TLX1: variants seen among roughly 807,000 people sequenced by gnomAD.
TLX1 encodes T cell leukemia homeobox 1.
TLX1 carries 6 observed loss-of-function variants against 26.5 expected under a neutral mutation model. That is an observed-to-expected ratio of 0.23 (90% CI 0.12 to 0.45). The LOEUF (loss-of-function observed/expected upper bound fraction) is 0.45, where lower values mean the gene tolerates loss of function less well. TLX1 is among the 20% of genes least tolerant of loss of function. The pLI, the probability that TLX1 is intolerant of heterozygous loss-of-function variation, is 0.99. For synonymous variants in TLX1, 217 were observed against 219.7 expected (o/e 0.99, Z 0.11); for missense variants, 418 against 482.6 (o/e 0.87, Z 1.25).
chr10:101,133,911 G>T (rs968208150), intron 1 of TLX1, among the ~76,000 whole-genome samples: 4 of 152,144 alleles, frequency 2.6e-5, no homozygotes, highest in African/African-American at 9.7e-5. Flanking sequence ...GCTCGCGGGA[G>T]CCCGGGGCCA....
chr10:101,135,667 C>T (rs1282104918), intron 2 of TLX1, among the ~76,000 whole-genome samples: 2 of 151,928 alleles, frequency 1.3e-5, no homozygotes, highest in East Asian at 1.9e-4. Flanking sequence ...GGGATAGGGA[C>T]CCCGCTCAAG....
chr10:101,132,147 C>T lies in TLX1; in HGVS notation c.568+38C>T, dbSNP rs775487164. ...CGCGCGCTCCCCGCCTGGCCGCGGC[C>T]CGGGCTCCGTGCTACCCCTGCCCCG... On this transcript the variant is annotated intron_variant, in intron 1 of 2. Transcript: ENST00000370196. The surrounding 1 kb of genome is among the most constrained non-coding windows in gnomAD (Gnocchi z 4.1). The T allele has an allele frequency of 5.3e-6, 7 of 1,325,328 alleles. No individual in the cohort carries two copies. In the East Asian group the frequency reaches 2.1e-4, roughly 39 times the overall value. The allele number at this position is 1,325,328 out of a possible 1,614,324, so 82.1% of individuals were successfully genotyped here. A position where few individuals can be genotyped will look rare whatever the true frequency, so the allele number is the denominator to read the frequency against.
At position 101,132,185 on chromosome 10, in the gene TLX1, C is replaced by A; in HGVS notation, c.568+76C>A. Reference sequence around the variant, plus strand: ...TACCCCTGCCCCGCCGGGTGGCTCCCCAAAGCCGGTTCTGCGCTCCAGGTC... The same window carrying A: ...TACCCCTGCCCCGCCGGGTGGCTCCACAAAGCCGGTTCTGCGCTCCAGGTC... On this transcript the variant is annotated intron_variant, in intron 1 of 2. Transcript: ENST00000370196. This position sits in a 1 kb window ranked among gnomAD's most constrained non-coding sequence, Gnocchi z 4.1. The A allele has an allele frequency of 8.1e-7, 1 of 1,241,290 alleles. No homozygotes were observed. Among genetic ancestry groups the A allele is most frequent in the East Asian group, 3.1e-5 (1 of 32,014 alleles). The allele number at this position is 1,241,290 out of a possible 1,614,324, so 76.9% of individuals were successfully genotyped here. A position where few individuals can be genotyped will look rare whatever the true frequency, so the allele number is the denominator to read the frequency against.
chr10:101,136,040 C>T (rs1940287756), intron 2 of TLX1, among the ~76,000 whole-genome samples: 1 of 152,230 alleles, frequency 6.6e-6, no homozygotes, highest in Admixed American at 6.5e-5. Flanking sequence ...CCCATTAGGT[C>T]TGTCCACCTT....
Position 101,132,134 on chromosome 10 carries a change from G to T in TLX1, c.568+25G>T, listed in dbSNP as rs377618201. 3.2e-5 allele frequency: 42 copies of T among 1,330,186 alleles called. No individual in the cohort carries two copies. The highest frequency in any genetic ancestry group is 2.9e-4 in the East Asian group (10 of 34,642). 82.4% of individuals were successfully genotyped at this position (1,330,186 alleles called of 1,614,324 possible). On this transcript the variant is annotated intron_variant, in intron 1 of 2. Transcript: ENST00000370196. The surrounding 1 kb of genome is among the most constrained non-coding windows in gnomAD (Gnocchi z 4.1). ...GGTGAGTCCGGCCCGCGCGCTCCCCGCCTGGCCGCGGCCCGGGCTCCGTGC... is the reference window on the plus strand; with the variant it reads ...GGTGAGTCCGGCCCGCGCGCTCCCCTCCTGGCCGCGGCCCGGGCTCCGTGC...
intron 2 of TLX1, among the ~76,000 whole-genome samples, chr10:101,135,761 A>G (rs1208933336): frequency 6.6e-6 from 1 of 152,228 alleles, no homozygotes; most frequent in Non-Finnish European, 1.5e-5. Context: ...TGAAACCACC[A>G]TTTTCTTTTC....
intron 2 of TLX1, among the ~76,000 whole-genome samples, chr10:101,136,323 G>C (rs1420851950): frequency 6.6e-6 from 1 of 152,202 alleles, no homozygotes; most frequent in Non-Finnish European, 1.5e-5. Context: ...GGCTTGGAAT[G>C]GCACCTGGTC....
chr10:101,136,625 A>G, intron 2 of TLX1, 66 bp from the exon 3 acceptor site: 2 of 1,611,630 alleles, frequency 1.2e-6, no homozygotes, highest in South Asian at 2.2e-5. Context: ...GGAACGCACC[A>G]GGAGTTGGGC....
At chr10:101,136,638 A>G in intron 2 of TLX1, 53 bp from the exon 3 acceptor site, 1 of 1,612,234 alleles carries the variant, frequency 6.2e-7, no homozygotes, top group Non-Finnish European at 8.5e-7. Context: ...AGTTGGGCAC[A>G]CGCGGGAGCT....
At chr10:101,134,103 T>G in intron 1 of TLX1, 72 bp from the exon 2 acceptor site, 2 of 1,436,514 alleles carry the variant, frequency 1.4e-6, no homozygotes, top group Admixed American at 2.3e-5. Flanking sequence ...GACGCTCTGC[T>G]GCTTGCCTCT....
Position 101,131,886 on chromosome 10 carries a change from C to T in TLX1, c.345C>T (p.Gly115=), listed in dbSNP as rs1460934875. The change falls in exon 1 of 3, where the codon GGC becomes GGT. Residue 115 remains glycine (G), a synonymous_variant. Coordinates refer to ENST00000370196, the MANE Select transcript of TLX1 (RefSeq NM_005521.4). ...MALAGGPGPG[G]GGGSSGGAGA... ...TGGCAGGCGGCCCCGGTCCTGGCGGCGGCGGCGGCAGCAGCGGCGGTGCCG... is the reference window on the plus strand; with the variant it reads ...TGGCAGGCGGCCCCGGTCCTGGCGGTGGCGGCGGCAGCAGCGGCGGTGCCG... The T allele has an allele frequency of 2.1e-6, 3 of 1,397,630 alleles. No individual in the cohort carries two copies. The highest frequency in any genetic ancestry group is 9.2e-7 in the Non-Finnish European group (1 of 1,083,452). 86.6% of individuals were successfully genotyped at this position (1,397,630 alleles called of 1,614,324 possible).
In TLX1 at chr10:101,137,033, C is replaced by T; in HGVS notation, c.*120C>T. On this transcript the variant is annotated 3_prime_UTR_variant, in exon 3 of 3. Coordinates refer to ENST00000370196, the MANE Select transcript of TLX1 (RefSeq NM_005521.4). The stretch of plus-strand genomic sequence containing the variant: ...GCACCCAGGAGGGGAACACTGCCCT[C>T]GCACGGCCCCGAAGGGCCCCCACAT... The T allele has an allele frequency of 2.3e-6, 3 of 1,306,976 alleles. No individual in the cohort carries two copies. Among genetic ancestry groups the T allele is most frequent in the Admixed American group, 4.7e-5 (2 of 42,472 alleles). The allele number at this position is 1,306,976 out of a possible 1,614,324, so 81.0% of individuals were successfully genotyped here. A position where few individuals can be genotyped will look rare whatever the true frequency, so the allele number is the denominator to read the frequency against.
Position 101,132,415 on chromosome 10 carries a change from C to T in TLX1, c.568+306C>T, listed in dbSNP as rs968484178. Among the ~76,000 whole-genome samples, 1 of 152,264 alleles carries T rather than the reference C, an allele frequency of 6.6e-6. No homozygotes were observed. Among genetic ancestry groups the T allele is most frequent in the African/African-American group, 2.4e-5 (1 of 41,482 alleles). On this transcript the variant is annotated intron_variant, in intron 1 of 2. Transcript: ENST00000370196. This position sits in a 1 kb window ranked among gnomAD's most constrained non-coding sequence, Gnocchi z 4.1. ...AAGGAGGCCATAGATTCAGGACCAC[C>T]TTCTGCAGCTACTCTTGGCCTGGGA...
In TLX1 at chr10:101,134,277, A is replaced by G. The variant is rs145523858; in HGVS notation, c.671A>G (p.Lys224Arg). 5 of 1,612,518 alleles carry G rather than the reference A, an allele frequency of 3.1e-6. No homozygotes were observed. The highest frequency in any genetic ancestry group is 4.2e-6 in the Non-Finnish European group (5 of 1,179,574). ...CELEKRFHRQ[K>R]YLASAERAAL... is the part of the protein sequence containing the mutation. ...CTGGAGAAGCGCTTCCACCGCCAGA[A>G]GTACCTGGCCTCGGCCGAGCGCGCC... Residue 224 changes from lysine to arginine, a missense_variant, in exon 2 of 3, where the codon AAG (lysine) becomes AGG (arginine). By Grantham distance (26) the Lys-to-Arg change is conservative. This residue lies in a region of TLX1 where 322 missense variants were observed against 344.6 expected (regional missense o/e 0.93). Transcript: ENST00000370196.
chr10:101,135,327 T>TG (rs1940272997), intron 2 of TLX1: 1 of 154,142 alleles, frequency 6.5e-6, no homozygotes, highest in Non-Finnish European at 1.5e-5. Context: ...AGGAAGGAAT[T>TG]GGAGTTTCCT....
In TLX1 at chr10:101,137,067, A is replaced by C; in HGVS notation, c.*154A>C. 1.0e-6 allele frequency: 1 copy of C among 1,000,336 alleles called. No individual in the cohort carries two copies. The allele number at this position is 1,000,336 out of a possible 1,614,324, so 62.0% of individuals were successfully genotyped here. ...CCGAAGGGCCCCCACATTTGTGCCGACACTGTTCTCCCTTCGGTGGAAGAG... is the reference window on the plus strand; with the variant it reads ...CCGAAGGGCCCCCACATTTGTGCCGCCACTGTTCTCCCTTCGGTGGAAGAG... On this transcript the variant is annotated 3_prime_UTR_variant, in exon 3 of 3. Coordinates refer to ENST00000370196, the MANE Select transcript of TLX1 (RefSeq NM_005521.4).
Position 101,131,645 on chromosome 10 carries a change from G to A in TLX1, c.104G>A (p.Gly35Glu), listed in dbSNP as rs773704342. The A allele has an allele frequency of 6.4e-7, 1 of 1,568,496 alleles. No individual in the cohort carries two copies. Among genetic ancestry groups the A allele is most frequent in the South Asian group, 1.2e-5 (1 of 86,422 alleles). ...LNSPDQGGCM[G>E]PASRLQDGEY... ...AGCCCGGACCAGGGTGGCTGCATGG[G>A]ACCCGCCTCGCGCCTCCAGGACGGA... The change falls in exon 1 of 3, where the codon GGA becomes GAA. Residue 35 changes from glycine to glutamate, a missense_variant. Physicochemically the swap from Gly to Glu is moderately conservative, Grantham distance 98. Coordinates refer to ENST00000370196, the MANE Select transcript of TLX1 (RefSeq NM_005521.4).
Position 101,131,796 on chromosome 10 carries a change from G to A in TLX1, c.255G>A (p.Pro85=). 2 of 1,386,464 alleles carry A rather than the reference G, an allele frequency of 1.4e-6. No individual in the cohort carries two copies. The highest frequency in any genetic ancestry group is 1.7e-5 in the South Asian group (1 of 58,306). 85.9% of individuals were successfully genotyped at this position (1,386,464 alleles called of 1,614,324 possible). Reference sequence around the variant, plus strand: ...GAGGTCCCGGCGGCCCCGGAGGCCCGGCAGGCGGCGGCGGCGCCTGCAGCA... The same window carrying A: ...GAGGTCCCGGCGGCCCCGGAGGCCCAGCAGGCGGCGGCGGCGCCTGCAGCA... ...GTGGPGGPGG[P]AGGGGACSMG... Residue 85 remains proline, a synonymous_variant, in exon 1 of 3, where the codon CCG becomes CCA. Coordinates refer to ENST00000370196, the MANE Select transcript of TLX1 (RefSeq NM_005521.4).
At position 101,132,142 on chromosome 10, in the gene TLX1, G is replaced by T; in HGVS notation, c.568+33G>T. 1 of 1,328,020 alleles carries T rather than the reference G, an allele frequency of 7.5e-7. No individual in the cohort carries two copies. 82.3% of individuals were successfully genotyped at this position (1,328,020 alleles called of 1,614,324 possible). On this transcript the variant is annotated intron_variant, in intron 1 of 2. Transcript: ENST00000370196. This position sits in a 1 kb window ranked among gnomAD's most constrained non-coding sequence, Gnocchi z 4.1. ...CGGCCCGCGCGCTCCCCGCCTGGCC[G>T]CGGCCCGGGCTCCGTGCTACCCCTG... is the stretch of plus-strand genomic sequence containing the variant.
Sources: gnomAD v4.1 joint callset for allele counts (sites outside exome capture counted in the v4.1 genomes callset) on GRCh38, gnomAD v4.1.1 for gene constraint, gnomAD v4.1.1 regional missense constraint, Gnocchi (gnomAD v3.1) non-coding constraint, MANE v1.5 for transcripts, NCBI Gene and HGNC (gene_info 2026-07-23, HGNC 2026-07-21) for gene names.